The following SPIRE2 variants were observed in gnomAD, a reference collection of about 807,000 sequenced individuals.
The protein encoded by SPIRE2 is protein spire homolog 2.
Under a neutral mutation model 80.7 loss-of-function variants are expected in SPIRE2, and 76 were observed. The ratio of observed to expected loss-of-function variants is 0.94; its 90% CI spans 0.78 to 1.14. SPIRE2 has a LOEUF of 1.14. SPIRE2 is among the 50% of genes most tolerant of loss of function. The pLI, the probability that SPIRE2 is intolerant of heterozygous loss-of-function variation, is 0.00. For synonymous variants in SPIRE2, 535 were observed against 432.6 expected (o/e 1.24, Z -2.94); for missense variants, 1,196 against 1,015.3 (o/e 1.18, Z -2.42).
At position 89,869,574 on chromosome 16, in the gene SPIRE2, T is replaced by A; in HGVS notation, c.1814T>A (p.Met605Lys). Residue 605 changes from methionine (M) to lysine (K), a missense_variant, in exon 14 of 15, where the codon ATG becomes AAG. Met to Lys is a moderately conservative substitution (Grantham distance 95, BLOSUM62 -1). Coordinates refer to ENST00000378247, the MANE Select transcript of SPIRE2 (RefSeq NM_032451.2). ...VCTSCSIKMK[M>K]PSKKFGHIPV... ...CCTCCCTCTGTGCTGCAGATGAAGA[T>A]GCCTTCTAAGAAATTTGGACACATC... The A allele has an allele frequency of 6.2e-7, 1 of 1,611,660 alleles. No homozygotes were observed. Among genetic ancestry groups the A allele is most frequent in the Middle Eastern group, 1.7e-4 (1 of 6,058 alleles).
chr16:89,829,591 G>A (rs2041359677), intron 1 of SPIRE2, among the ~76,000 whole-genome samples: 1 of 152,192 alleles, frequency 6.6e-6, no homozygotes, highest in East Asian at 1.9e-4. Flanking sequence ...AGGCCTATGT[G>A]GAGGACCAGG....
At position 89,848,276 on chromosome 16, in the gene SPIRE2, G is replaced by C. The variant is rs111863852; in HGVS notation, c.289-2028G>C. Among the ~76,000 whole-genome samples, 11 of 152,380 alleles carry C rather than the reference G, an allele frequency of 7.2e-5. 1 individual carries two copies. Among genetic ancestry groups the C allele is most frequent in the African/African-American group, 2.6e-4 (11 of 41,592 alleles). On this transcript the variant is annotated intron_variant, in intron 2 of 14. Coordinates refer to ENST00000378247, the MANE Select transcript of SPIRE2 (RefSeq NM_032451.2). ...CTGCTGTCACTGGTCGGGTGTGGCT[G>C]TTAGGCCTTGGCTGCTGCAGCGCCC...
In SPIRE2 at chr16:89,870,113, C is replaced by T; in HGVS notation, c.1986C>T (p.Gly662=). ...EEAFPHIYSH[G]CVLKDVCSEC... The stretch of plus-strand genomic sequence containing the variant: ...CGTTCCCCCACATCTACTCCCACGG[C>T]TGTGTCCTGAAGGATGTCTGCAGTG... The change falls in exon 15 of 15, where the codon GGC becomes GGT. Residue 662 remains glycine (G), a synonymous_variant. Coordinates refer to ENST00000378247, the MANE Select transcript of SPIRE2 (RefSeq NM_032451.2). 9 of 1,613,576 alleles carry T rather than the reference C, an allele frequency of 5.6e-6. No individual in the cohort carries two copies. The highest frequency in any genetic ancestry group is 7.6e-6 in the Non-Finnish European group (9 of 1,179,844).
At chr16:89,869,053 A>AAAAAAAAAAAAATATATAT in intron 13 of SPIRE2, among the ~76,000 whole-genome samples, 1 of 24,030 alleles carries the variant, frequency 4.2e-5, no homozygotes, top group South Asian at 1.9e-3. Context: ...AAAAAAAAAA[A>AAAAAAAAAAAAATATATAT]ATATATATAT....
At position 89,870,435 on chromosome 16, in the gene SPIRE2, T is replaced by A; in HGVS notation, c.*163T>A. 3 of 572,400 alleles carry A rather than the reference T, an allele frequency of 5.2e-6. No homozygotes were observed. In the South Asian group the frequency reaches 6.8e-5, roughly 13 times the overall value. 35.5% of individuals were successfully genotyped at this position (572,400 alleles called of 1,614,324 possible). A position where few individuals can be genotyped will look rare whatever the true frequency, so the allele number is the denominator to read the frequency against. On this transcript the variant is annotated 3_prime_UTR_variant, in exon 15 of 15. Coordinates refer to ENST00000378247, the MANE Select transcript of SPIRE2 (RefSeq NM_032451.2). ...ACTGTTTCCTGGCCCCAGAGCTCAT[T>A]TGGGTTCAGGCGCACTTCAAAACCC...
Position 89,870,148 on chromosome 16 carries a change from G to A in SPIRE2, c.2021G>A (p.Ser674Asn). Residue 674 changes from serine to asparagine, a missense_variant, in exon 15 of 15, where the codon AGC (serine) becomes AAC (asparagine). Transcript: ENST00000378247. ...AAGGATGTCTGCAGTGAGTGCACCA[G>A]CTTTGTGGCAGACGTGGTGCGTTCC... is the stretch of plus-strand genomic sequence containing the variant. ...VLKDVCSECT[S>N]FVADVVRSSR... is the part of the protein sequence containing the mutation. 6.2e-7 allele frequency: 1 copy of A among 1,612,700 alleles called. No individual in the cohort carries two copies.
Position 89,855,394 on chromosome 16 carries a change from G to C in SPIRE2, c.892-206G>C, listed in dbSNP as rs919968469. On this transcript the variant is annotated intron_variant, in intron 5 of 14. Coordinates refer to ENST00000378247, the MANE Select transcript of SPIRE2 (RefSeq NM_032451.2). ...GGGGCAGCCAGGTGGGGACGCGTCA[G>C]ACCATGGATGCTGTGGCCGCCCAGA... Among the ~76,000 whole-genome samples the C allele has an allele frequency of 2.6e-5, 4 of 152,308 alleles. No homozygotes were observed. The Middle Eastern group carries it at 0.01, about 389-fold the overall frequency.
At position 89,858,400 on chromosome 16, in the gene SPIRE2, A is replaced by C. The variant is rs2041712108; in HGVS notation, c.1165A>C (p.Ile389Leu). The change falls in exon 8 of 15, where the codon ATC becomes CTC. Residue 389 changes from isoleucine to leucine, a missense_variant. Transcript: ENST00000378247. The part of the protein sequence containing the change: ...CSGDAKSTSC[I>L]NLSVTDAGGS... ...CGGAGATGCCAAGTCCACCTCCTGCATCAACCTGTCAGTCACAGATGCTGG... is the reference window on the plus strand; with the variant it reads ...CGGAGATGCCAAGTCCACCTCCTGCCTCAACCTGTCAGTCACAGATGCTGG... The C allele has an allele frequency of 1.2e-6, 2 of 1,612,130 alleles. No individual in the cohort carries two copies. Among genetic ancestry groups the C allele is most frequent in the Admixed American group, 3.3e-5 (2 of 59,906 alleles).
chr16:89,851,352 A>G (rs2041626008), intron 3 of SPIRE2, among the ~76,000 whole-genome samples: 1 of 152,176 alleles, frequency 6.6e-6, no homozygotes, highest in Non-Finnish European at 1.5e-5. Context: ...CAGGAACCAC[A>G]GGGAGGCTCA....
rs925885649 is a variant in SPIRE2, at chr16:89,845,488, G to A, written c.288+123G>A. ...TTCAGGGAGGCAGGGTGCAGATGAA[G>A]TACCCAACAGGCTTAGTTGCAGGGA... is the stretch of plus-strand genomic sequence containing the variant. On this transcript the variant is annotated intron_variant, in intron 2 of 14. Coordinates refer to ENST00000378247, the MANE Select transcript of SPIRE2 (RefSeq NM_032451.2). 1.1e-5 allele frequency: 10 copies of A among 888,810 alleles called. No homozygotes were observed. In the Admixed American group the frequency reaches 1.7e-4, roughly 15 times the overall value. 55.1% of individuals were successfully genotyped at this position (888,810 alleles called of 1,614,324 possible).
In SPIRE2 at chr16:89,854,554, A is replaced by G; in HGVS notation, c.794A>G (p.Gln265Arg). Residue 265 changes from glutamine (Q) to arginine (R), a missense_variant, in exon 5 of 15, where the codon CAG (glutamine) becomes CGG (arginine). Gln to Arg is a conservative substitution (Grantham distance 43). Coordinates refer to ENST00000378247, the MANE Select transcript of SPIRE2 (RefSeq NM_032451.2). ...GTGAAGCTGAAGAAGGTGCAAGAGC[A>G]GGAGTTCAACCCCCTCCCCACCGAG... ...RGVKLKKVQE[Q>R]EFNPLPTEFQ... The G allele has an allele frequency of 6.2e-7, 1 of 1,612,752 alleles. No individual in the cohort carries two copies. The highest frequency in any genetic ancestry group is 8.5e-7 in the Non-Finnish European group (1 of 1,179,942).
chr16:89,836,323 G>C, intron 1 of SPIRE2: 1 of 449,536 alleles, frequency 2.2e-6, no homozygotes, highest in Non-Finnish European at 4.5e-6. Flanking sequence ...TCTGGGGTTA[G>C]AACACAGACA....
chr16:89,836,671 C>T (rs572721101), intron 1 of SPIRE2, among the ~76,000 whole-genome samples: 1 of 152,072 alleles, frequency 6.6e-6, no homozygotes, highest in Admixed American at 6.5e-5. Flanking sequence ...GTCTCACCGC[C>T]CTGGAGAGCT....
rs542532376 is a variant in SPIRE2, at chr16:89,836,346, G to A, written c.244+7552G>A. 4.5e-4 allele frequency: 193 copies of A among 424,982 alleles called. 2 individuals carry two copies. Among genetic ancestry groups the A allele is most frequent in the East Asian group, 2.2e-4 (3 of 13,912 alleles). The allele number at this position is 424,982 out of a possible 1,614,324, so 26.3% of individuals were successfully genotyped here. On this transcript the variant is annotated intron_variant, in intron 1 of 14. Coordinates refer to ENST00000378247, the MANE Select transcript of SPIRE2 (RefSeq NM_032451.2). ...TAGAACACAGACAGCTTTAGGGGCC[G>A]TGATTCTGCCGACTGCAGCGGACCG...
chr16:89,832,665 G>T (rs1015156155), intron 1 of SPIRE2, among the ~76,000 whole-genome samples: 1 of 152,122 alleles, frequency 6.6e-6, no homozygotes, highest in African/African-American at 2.4e-5. Context: ...TTGCACCCTG[G>T]GAGGAGAACT....
At chr16:89,835,207 T>C (rs191680164) in intron 1 of SPIRE2, among the ~76,000 whole-genome samples, 8 of 133,402 alleles carry the variant, frequency 6.0e-5, no homozygotes, top group African/African-American at 9.8e-5. Flanking sequence ...TGAACCTGCC[T>C]GCGCTCGCGG....
chr16:89,864,275 A>G (rs947909624), intron 12 of SPIRE2, among the ~76,000 whole-genome samples: 42 of 152,208 alleles, frequency 2.8e-4, no homozygotes, highest in Non-Finnish European at 2.6e-4. Context: ...CTGAGAATCC[A>G]GGGAGACCAC....
chr16:89,841,492 T>C (rs2041505129), intron 1 of SPIRE2, among the ~76,000 whole-genome samples: 1 of 152,144 alleles, frequency 6.6e-6, no homozygotes, highest in South Asian at 2.1e-4. Flanking sequence ...GTGGTTGTGG[T>C]AGCTCTGTAT....
rs1388172953 is a variant in SPIRE2 at position 89,828,715 on chromosome 16, G to A, written c.165G>A (p.Pro55=). Residue 55 remains proline, a synonymous_variant, in exon 1 of 15, where the codon CCG becomes CCA. Transcript: ENST00000378247. The surrounding 1 kb of genome is among the most constrained non-coding windows in gnomAD (Gnocchi z 5.9). ...GCTGCCGCGGGCTGCGGGGCTCGCC[G>A]GGCCGGCGCCTGCGGGATACCGGGG... ...FQGCRGLRGS[P]GRRLRDTGDL... The A allele has an allele frequency of 2.9e-5, 37 of 1,263,916 alleles. No homozygotes were observed. Among genetic ancestry groups the A allele is most frequent in the Non-Finnish European group, 3.7e-5 (37 of 1,001,372 alleles). 78.3% of individuals were successfully genotyped at this position (1,263,916 alleles called of 1,614,324 possible). A position where few individuals can be genotyped will look rare whatever the true frequency, so the allele number is the denominator to read the frequency against.
Sources: allele counts gnomAD v4.1 joint callset (sites outside exome capture counted in the v4.1 genomes callset), GRCh38; gene constraint gnomAD v4.1.1; non-coding constraint Gnocchi (gnomAD v3.1); transcripts MANE v1.5; gene names NCBI Gene and HGNC (gene_info 2026-07-23, HGNC 2026-07-21).